NCKAP5: variants seen among roughly 807,000 people sequenced by gnomAD.
NCKAP5 encodes the protein nck-associated protein 5.
A neutral mutation model predicts 167.0 loss-of-function variants in NCKAP5; 92 were observed. That is an observed-to-expected ratio of 0.55 (90% CI 0.47 to 0.66). The LOEUF (loss-of-function observed/expected upper bound fraction) is 0.66, where lower values mean the gene tolerates loss of function less well. Ranked by LOEUF, NCKAP5 falls within the 30% of genes least tolerant of loss-of-function variation. The pLI is 0.00. For missense variants in NCKAP5, 2,378 were observed against 2,315.0 expected, an observed-to-expected ratio of 1.03 and a Z score of -0.56; for synonymous variants, 891 against 877.4, an observed-to-expected ratio of 1.02 and a Z score of -0.27.
chr2:133,643,532 C>A, the NCKAP5 span, among the ~76,000 whole-genome samples: 1 of 152,160 alleles, frequency 6.6e-6, no homozygotes, highest in African/African-American at 2.4e-5. Context: ...CTTCTAATGC[C>A]TTAATTGTTC....
intron 12 of NCKAP5, among the ~76,000 whole-genome samples, chr2:132,794,129 G>A (rs1468719915): frequency 2.7e-5 from 4 of 150,326 alleles, no homozygotes; most frequent in Non-Finnish European, 5.9e-5. Context: ...TAGTTACTAT[G>A]TGGGATCATT....
chr2:132,963,950 AT>A, intron 7 of NCKAP5, 81 bp from the exon 8 acceptor site: 1 of 1,495,636 alleles, frequency 6.7e-7, no homozygotes, highest in Non-Finnish European at 9.2e-7. Context: ...GGCTGGAATC[AT>A]TCTCCTGCGT....
intron 6 of NCKAP5, among the ~76,000 whole-genome samples, chr2:133,056,740 C>T (rs1403421375): frequency 6.6e-6 from 1 of 152,170 alleles, no homozygotes; most frequent in East Asian, 1.9e-4. Flanking sequence ...TGGGAGTGCA[C>T]ATTTGATACC....
chr2:133,009,658 G>T (rs2078086250), intron 6 of NCKAP5, among the ~76,000 whole-genome samples: 1 of 152,088 alleles, frequency 6.6e-6, no homozygotes, highest in Admixed American at 6.6e-5. Flanking sequence ...TGAGTAACTT[G>T]AATGAAGAAA....
chr2:133,052,936 A>T (rs980981310), intron 6 of NCKAP5, among the ~76,000 whole-genome samples: 1 of 152,142 alleles, frequency 6.6e-6, no homozygotes, highest in Non-Finnish European at 1.5e-5. Flanking sequence ...ATTAAACAGA[A>T]TGGTAGGGAG....
chr2:132,897,718 T>C lies in NCKAP5; in HGVS notation c.580-18802A>G, dbSNP rs868330296. Among the ~76,000 whole-genome samples the C allele has an allele frequency of 4.6e-5, 7 of 152,350 alleles. No individual in the cohort carries two copies. The South Asian group carries it at 1.0e-3, about 23-fold the overall frequency. The stretch of plus-strand genomic sequence containing the variant: ...ACGAATTTTTTAGTTTCCCAGTGCA[T>C]GTAAAAGTTATGTTTATATTACACT... On this transcript the variant is annotated intron_variant, in intron 8 of 19. Transcript: ENST00000409261.
intron 6 of NCKAP5, among the ~76,000 whole-genome samples, chr2:133,108,141 A>G (rs943389513): frequency 2.0e-5 from 3 of 152,156 alleles, no homozygotes; most frequent in Admixed American, 2.0e-4. Flanking sequence ...CAGAGTTCTG[A>G]TTTATAATTA....
At chr2:132,814,310 T>A (rs1390190653) in intron 11 of NCKAP5, among the ~76,000 whole-genome samples, 2 of 152,200 alleles carry the variant, frequency 1.3e-5, no homozygotes, top group Non-Finnish European at 2.9e-5. Context: ...CCTCATGGTA[T>A]TATAAACAAG....
At chr2:133,025,083 C>G (rs6709471) in intron 6 of NCKAP5, among the ~76,000 whole-genome samples, 84,444 of 152,006 alleles carry the variant, frequency 0.56, 23,735 homozygotes, top group African/African-American at 0.62. Flanking sequence ...CCTAGAGAAA[C>G]GGACAAAGAA....
intron 5 of NCKAP5, among the ~76,000 whole-genome samples, chr2:133,133,935 C>T (rs1022029085): frequency 2.0e-5 from 3 of 152,178 alleles, no homozygotes; most frequent in Non-Finnish European, 4.4e-5. Flanking sequence ...TTTTCCCCTA[C>T]TACTGTCAGC....
intron 3 of NCKAP5, among the ~76,000 whole-genome samples, chr2:133,373,852 G>A (rs1357419168): frequency 1.3e-5 from 2 of 152,212 alleles, no homozygotes; most frequent in Non-Finnish European, 2.9e-5. Context: ...AAATGGTGCT[G>A]GAACAAATGG....
chr2:133,569,835 TG>T (rs1487395137), upstream of NCKAP5, among the ~76,000 whole-genome samples: 2 of 152,204 alleles, frequency 1.3e-5, no homozygotes, highest in East Asian at 3.8e-4. Context: ...ACACAAATTG[TG>T]TATGTCACTG....
At chr2:133,231,994 CT>C (rs553775532) in intron 4 of NCKAP5, among the ~76,000 whole-genome samples, 1,634 of 152,318 alleles carry the variant, frequency 0.011, 14 homozygotes, top group Non-Finnish European at 0.018. Context: ...AAAGGACACA[CT>C]TTTTAAGTGT....
chr2:133,406,643 G>A (rs1657983387), intron 3 of NCKAP5, among the ~76,000 whole-genome samples: 1 of 152,110 alleles, frequency 6.6e-6, no homozygotes, highest in African/African-American at 2.4e-5. Context: ...AAAACAGTTA[G>A]GAAAAAGAGT....
chr2:132,791,137 T>C (rs2105116281), intron 12 of NCKAP5, among the ~76,000 whole-genome samples: 1 of 152,348 alleles, frequency 6.6e-6, no homozygotes, highest in Non-Finnish European at 1.5e-5. Flanking sequence ...GGTGCCGCTG[T>C]CTGAGATTTC....
chr2:133,090,742 GT>G (rs150459996), intron 6 of NCKAP5, among the ~76,000 whole-genome samples: 13,409 of 152,124 alleles, frequency 0.088, 872 homozygotes, highest in African/African-American at 0.18. Flanking sequence ...TTATGTGTTT[GT>G]TTTGCCCTAA....
At chr2:132,904,016 C>T (rs554405700) in intron 8 of NCKAP5, among the ~76,000 whole-genome samples, 37 of 152,186 alleles carry the variant, frequency 2.4e-4, no homozygotes, top group South Asian at 1.7e-3. Flanking sequence ...TGGCCCGGCG[C>T]GGTGGCTCAC....
chr2:133,508,449 A>AT (rs538830266), intron 3 of NCKAP5, among the ~76,000 whole-genome samples: 7 of 152,106 alleles, frequency 4.6e-5, no homozygotes, highest in African/African-American at 1.7e-4. Flanking sequence ...ATGTGACAAG[A>AT]TTTTTTTTAA....
intron 5 of NCKAP5, among the ~76,000 whole-genome samples, chr2:133,200,433 G>A (rs2085639462): frequency 6.6e-6 from 1 of 152,020 alleles, no homozygotes; most frequent in African/African-American, 2.4e-5. Context: ...GCAAAAGAAT[G>A]AGGTTGGACC....
Sources: allele counts gnomAD v4.1 joint callset (sites outside exome capture counted in the v4.1 genomes callset), GRCh38; gene constraint gnomAD v4.1.1; transcripts MANE v1.5; gene names NCBI Gene and HGNC (gene_info 2026-07-23, HGNC 2026-07-21).